The following GABRG3 variants were observed in gnomAD, a reference collection of about 807,000 sequenced individuals.
The protein encoded by GABRG3 is gamma-aminobutyric acid type A receptor subunit gamma3, also known as gamma-aminobutyric acid receptor subunit gamma-3.
Under a neutral mutation model 48.8 loss-of-function variants are expected in GABRG3, and 25 were observed. That is an observed-to-expected ratio of 0.51 (90% CI 0.37 to 0.72). The LOEUF (loss-of-function observed/expected upper bound fraction) is 0.72, where lower values mean the gene tolerates loss of function less well. Among genes scored for constraint, GABRG3 ranks in the 30% least tolerant of loss-of-function variants. The pLI, the probability that GABRG3 is intolerant of heterozygous loss-of-function variation, is 0.00. For synonymous variants in GABRG3, 227 were observed against 217.6 expected (o/e 1.04, Z -0.38); for missense variants, 394 against 577.9 (o/e 0.68, Z 3.26).
At chr15:27,475,480 ATAG>A (rs1030256582) in intron 5 of GABRG3, among the ~76,000 whole-genome samples, 1 of 151,988 alleles carries the variant, frequency 6.6e-6, no homozygotes, top group Non-Finnish European at 1.5e-5. Flanking sequence ...GGCAATGATG[ATAG>A]TAGTGGTGAT....
chr15:26,980,813 T>C (rs1231360662), intron 2 of GABRG3, among the ~76,000 whole-genome samples: 1 of 152,228 alleles, frequency 6.6e-6, no homozygotes, highest in Non-Finnish European at 1.5e-5. Flanking sequence ...TATTTTCATT[T>C]TCATTCAGTT....
intron 8 of GABRG3, 58 bp downstream of exon 8, chr15:27,527,687 T>C (rs1230453550): frequency 8.5e-5 from 122 of 1,442,782 alleles, no homozygotes; most frequent in Non-Finnish European, 1.1e-4. Context: ...TTGAGATGAG[T>C]GTGTACTTAA....
At chr15:27,072,619 C>G (rs1445911898) in intron 3 of GABRG3, among the ~76,000 whole-genome samples, 2 of 152,184 alleles carry the variant, frequency 1.3e-5, no homozygotes, top group African/African-American at 4.8e-5. Context: ...GCGGAAGGAA[C>G]AGGTCGGGGG....
chr15:27,083,383 C>T (rs544792917), intron 3 of GABRG3, among the ~76,000 whole-genome samples: 4 of 143,192 alleles, frequency 2.8e-5, no homozygotes, highest in South Asian at 2.2e-4. Flanking sequence ...CCAAGGCTGG[C>T]GTGTAGTGGT....
chr15:26,991,772 G>A (rs925834942), intron 2 of GABRG3, among the ~76,000 whole-genome samples: 1 of 151,898 alleles, frequency 6.6e-6, no homozygotes, highest in Non-Finnish European at 1.5e-5. Context: ...CCAGGCTGGG[G>A]TGCAGTGGCA....
rs528976919 is a variant in GABRG3, at chr15:27,476,505, G to C, written c.575-4145G>C. On this transcript the variant is annotated intron_variant, in intron 5 of 9. Coordinates refer to ENST00000615808, the MANE Select transcript of GABRG3 (RefSeq NM_033223.5). ...TAAAAAGAACCCAGTAGAAATTCTA[G>C]AGTTGAAAAGTACAATGACTGCAAT... Among the ~76,000 whole-genome samples the C allele has an allele frequency of 2.0e-5, 3 of 152,072 alleles. No individual in the cohort carries two copies. In the South Asian group the frequency reaches 6.2e-4, roughly 32 times the overall value.
At chr15:27,221,914 C>T (rs1487738762) in intron 3 of GABRG3, among the ~76,000 whole-genome samples, 1 of 152,152 alleles carries the variant, frequency 6.6e-6, no homozygotes, top group Non-Finnish European at 1.5e-5. Flanking sequence ...GTATGATTGT[C>T]CCCAAATGGG....
At chr15:27,498,081 T>C (rs1281796581) in intron 6 of GABRG3, among the ~76,000 whole-genome samples, 2 of 152,320 alleles carry the variant, frequency 1.3e-5, no homozygotes, top group East Asian at 3.9e-4. Flanking sequence ...ACTTTCCTTT[T>C]CTCTGAGTTG....
intron 3 of GABRG3, among the ~76,000 whole-genome samples, chr15:27,083,992 C>A (rs1897034281): frequency 6.6e-6 from 1 of 152,200 alleles, no homozygotes; most frequent in Non-Finnish European, 1.5e-5. Context: ...AAAGTGTGTG[C>A]AGGGAAGCCT....
intron 3 of GABRG3, among the ~76,000 whole-genome samples, chr15:27,032,767 A>G (rs899913155): frequency 6.6e-6 from 1 of 152,210 alleles, no homozygotes; most frequent in Non-Finnish European, 1.5e-5. Flanking sequence ...GAGGGGATGA[A>G]ACATCTAAAC....
Position 27,505,571 on chromosome 15 carries a change from T to G in GABRG3, c.713-14401T>G, listed in dbSNP as rs143995699. On this transcript the variant is annotated intron_variant, in intron 6 of 9. Coordinates refer to ENST00000615808, the MANE Select transcript of GABRG3 (RefSeq NM_033223.5). ...TTTTCTGAATAATTGTGTTTCCTCTTTAGTGTGTTAATATGTTGAGTTACA... is the reference window on the plus strand; with the variant it reads ...TTTTCTGAATAATTGTGTTTCCTCTGTAGTGTGTTAATATGTTGAGTTACA... Among the ~76,000 whole-genome samples, 214 of 152,338 alleles carry G rather than the reference T, an allele frequency of 1.4e-3. 2 individuals carry two copies. The highest frequency in any genetic ancestry group is 4.3e-3 in the African/African-American group (178 of 41,590).
intron 3 of GABRG3, among the ~76,000 whole-genome samples, chr15:27,044,914 T>C (rs1249638954): frequency 3.9e-5 from 6 of 152,222 alleles, no homozygotes; most frequent in African/African-American, 1.4e-4. Context: ...TTTCAATTTA[T>C]TTACATACTG....
intron 3 of GABRG3, among the ~76,000 whole-genome samples, chr15:27,246,263 T>C (rs1047599546): frequency 6.6e-6 from 1 of 152,110 alleles, no homozygotes; most frequent in African/African-American, 2.4e-5. Flanking sequence ...AAAATAAATA[T>C]ATAAATGTAA....
intron 3 of GABRG3, among the ~76,000 whole-genome samples, chr15:27,101,476 G>C (rs1461637657): frequency 1.3e-5 from 2 of 152,130 alleles, no homozygotes; most frequent in Non-Finnish European, 2.9e-5. Context: ...ACCTAGAATA[G>C]CTGAAATAGT....
chr15:27,201,669 G>A (rs571108910), intron 3 of GABRG3, among the ~76,000 whole-genome samples: 4 of 152,234 alleles, frequency 2.6e-5, no homozygotes, highest in East Asian at 3.9e-4. Flanking sequence ...CAAGCCACAA[G>A]GGGTTTAGGT....
At chr15:27,405,515 G>T (rs1381762091) in intron 5 of GABRG3, among the ~76,000 whole-genome samples, 3 of 152,170 alleles carry the variant, frequency 2.0e-5, no homozygotes, top group African/African-American at 7.2e-5. Context: ...AAAGCTGATG[G>T]TGTTCATCCT....
At chr15:27,142,330 G>A (rs924770148) in intron 3 of GABRG3, among the ~76,000 whole-genome samples, 5 of 152,164 alleles carry the variant, frequency 3.3e-5, no homozygotes, top group East Asian at 1.9e-4. Context: ...ACAGTTCCAC[G>A]TGGCTGGGTA....
chr15:27,046,192 C>T (rs1203576557), intron 3 of GABRG3, among the ~76,000 whole-genome samples: 1 of 152,046 alleles, frequency 6.6e-6, no homozygotes, highest in Non-Finnish European at 1.5e-5. Flanking sequence ...CTCCGGGGTT[C>T]AAGTGATTCT....
In GABRG3 at chr15:27,019,935, A is replaced by G. The variant is rs139519412; in HGVS notation, c.203-6819A>G. 1.5e-3 allele frequency among the ~76,000 whole-genome samples: 224 copies of G among 152,316 alleles called. 1 individual carries two copies. Among genetic ancestry groups the G allele is most frequent in the African/African-American group, 5.1e-3 (211 of 41,572 alleles). Reference sequence around the variant, plus strand: ...AGTGCCTAGGGTGATTTTTAAGCATAAACATTATTTGAAAGGCAGCAAATG... The same window carrying G: ...AGTGCCTAGGGTGATTTTTAAGCATGAACATTATTTGAAAGGCAGCAAATG... On this transcript the variant is annotated intron_variant, in intron 2 of 9. Coordinates refer to ENST00000615808, the MANE Select transcript of GABRG3 (RefSeq NM_033223.5).
Sources: gnomAD v4.1 joint callset for allele counts (sites outside exome capture counted in the v4.1 genomes callset) on GRCh38, gnomAD v4.1.1 for gene constraint, MANE v1.5 for transcripts, NCBI Gene and HGNC (gene_info 2026-07-23, HGNC 2026-07-21) for gene names.